Variants in TG observed in about 807,000 individuals in gnomAD.
TG encodes thyroid hormones.
A neutral mutation model predicts 324.7 loss-of-function variants in TG; 270 were observed. The ratio of observed to expected loss-of-function variants is 0.83; its 90% CI spans 0.75 to 0.92. TG has a LOEUF of 0.92. Ranked by LOEUF, TG falls within the 40% of genes least tolerant of loss-of-function variation. The pLI, the probability that TG is intolerant of heterozygous loss-of-function variation, is 0.00. For missense variants in TG, 3,591 were observed against 3,456.4 expected, an observed-to-expected ratio of 1.04 and a Z score of -0.98; for synonymous variants, 1,401 against 1,327.0, an observed-to-expected ratio of 1.06 and a Z score of -1.21.
chr8:133,019,735 G>A, intron 39 of TG, 40 bp downstream of exon 39: 1 of 1,554,440 alleles, frequency 6.4e-7, no homozygotes, highest in Admixed American at 1.7e-5. Flanking sequence ...CCTGAAGACT[G>A]TCCCATTAGA....
chr8:132,966,224 A>T (rs889675241), intron 29 of TG, among the ~76,000 whole-genome samples: 4 of 152,220 alleles, frequency 2.6e-5, no homozygotes, highest in African/African-American at 9.6e-5. Flanking sequence ...ATTAGACAGA[A>T]GTCTCCAGGG....
intron 41 of TG, among the ~76,000 whole-genome samples, chr8:133,051,093 G>A (rs1192908220): frequency 1.3e-5 from 2 of 152,162 alleles, no homozygotes; most frequent in Non-Finnish European, 2.9e-5. Context: ...TGCAGGGTGT[G>A]CGTACGAGCC....
chr8:132,994,883 T>C (rs1832723606), intron 35 of TG: 2 of 1,223,934 alleles, frequency 1.6e-6, no homozygotes, highest in South Asian at 1.4e-5. Flanking sequence ...TGGAGTAAGA[T>C]TGAGGTAATG....
chr8:133,000,860 A>G (rs2037540), intron 35 of TG, among the ~76,000 whole-genome samples: 84,079 of 152,024 alleles, frequency 0.55, 24,223 homozygotes, highest in Middle Eastern at 0.66. Flanking sequence ...CTGCCATAAC[A>G]AAGTACCACG....
At chr8:133,100,226 T>G (rs1849037603) in intron 43 of TG, among the ~76,000 whole-genome samples, 1 of 152,194 alleles carries the variant, frequency 6.6e-6, no homozygotes, top group Non-Finnish European at 1.5e-5. Context: ...ACTCACTGCC[T>G]TACTCCCTTC....
chr8:132,882,924 G>C lies in TG; in HGVS notation c.1000G>C (p.Gly334Arg). Residue 334 changes from glycine (G) to arginine (R), a missense_variant, in exon 8 of 48, where the codon GGG (glycine) becomes CGG (arginine). Physicochemically the swap from Gly to Arg is moderately radical, Grantham distance 125. Transcript: ENST00000220616. Reference sequence around the variant, plus strand: ...TCAGGCGGTGCAGTGCCAGACGGAAGGGCCCTGCTGGTGTGTGGACGCCCA... The same window carrying C: ...TCAGGCGGTGCAGTGCCAGACGGAACGGCCCTGCTGGTGTGTGGACGCCCA... ...DYQAVQCQTE[G>R]PCWCVDAQGK... 6.2e-7 allele frequency: 1 copy of C among 1,614,218 alleles called. No individual in the cohort carries two copies. The highest frequency in any genetic ancestry group is 8.5e-7 in the Non-Finnish European group (1 of 1,180,034).
intron 2 of TG, 54 bp downstream of exon 2, chr8:132,868,277 T>C (rs1770731004): frequency 1.1e-5 from 16 of 1,503,774 alleles, no homozygotes; most frequent in Non-Finnish European, 1.5e-5. Flanking sequence ...ATAAAAAGCA[T>C]CTTGTGCCTT....
chr8:133,052,906 T>C (rs1482953006), intron 41 of TG, among the ~76,000 whole-genome samples: 1 of 152,234 alleles, frequency 6.6e-6, no homozygotes, highest in Non-Finnish European at 1.5e-5. Flanking sequence ...CTGGGTTTCC[T>C]AGTCTGGAAA....
intron 41 of TG, chr8:133,049,010 C>A: frequency 2.8e-6 from 1 of 361,404 alleles, no homozygotes; most frequent in South Asian, 2.0e-5. Context: ...ATGTGCTTTG[C>A]ATTTCTTTGC....
intron 43 of TG, among the ~76,000 whole-genome samples, chr8:133,105,533 G>A (rs1849728413): frequency 6.6e-6 from 1 of 152,146 alleles, no homozygotes; most frequent in Non-Finnish European, 1.5e-5. Flanking sequence ...CTAGGGGTGA[G>A]GAAGAACACA....
intron 23 of TG, among the ~76,000 whole-genome samples, chr8:132,933,039 C>G (rs1006833098): frequency 6.6e-6 from 1 of 152,156 alleles, no homozygotes; most frequent in Non-Finnish European, 1.5e-5. Context: ...AGTGCCTGAA[C>G]GGAGCTGTGC....
rs536391247 is a variant in TG, at chr8:133,072,893, G to A, written c.7240-22151G>A. 3.3e-5 allele frequency: 5 copies of A among 152,300 alleles called. 1 individual carries two copies. In the South Asian group the frequency reaches 1.0e-3, roughly 32 times the overall value. The allele number at this position is 152,300 out of a possible 1,614,324, so 9.4% of individuals were successfully genotyped here. The stretch of plus-strand genomic sequence containing the variant: ...AGCAGAAATACATATTCAGAAAAAT[G>A]GAGGAGTGCCCCACTCATTGCTTTA... On this transcript the variant is annotated intron_variant, in intron 41 of 47. Coordinates refer to ENST00000220616, the MANE Select transcript of TG (RefSeq NM_003235.5).
chr8:132,906,381 C>T (rs1818683613), intron 16 of TG, among the ~76,000 whole-genome samples: 1 of 151,966 alleles, frequency 6.6e-6, no homozygotes, highest in African/African-American at 2.4e-5. Context: ...GTGAAGAGAC[C>T]AGGTGGTAAC....
At chr8:133,006,231 G>A (rs1336069624) in intron 35 of TG, among the ~76,000 whole-genome samples, 1 of 152,194 alleles carries the variant, frequency 6.6e-6, no homozygotes, top group East Asian at 1.9e-4. Flanking sequence ...TTCTTCACTA[G>A]CCTAAGCTGT....
At chr8:132,945,329 T>C (rs1298443843) in intron 26 of TG, among the ~76,000 whole-genome samples, 1 of 152,008 alleles carries the variant, frequency 6.6e-6, no homozygotes, top group East Asian at 1.9e-4. Flanking sequence ...GACTTTGAAT[T>C]TGGGGGTTGA....
intron 5 of TG, among the ~76,000 whole-genome samples, chr8:132,879,049 C>T (rs1446455548): frequency 6.6e-6 from 1 of 152,204 alleles, no homozygotes; most frequent in African/African-American, 2.4e-5. Flanking sequence ...CCCCTGTTCC[C>T]TGATGACAGT....
chr8:133,011,754 T>C (rs373059443), intron 35 of TG, 147 bp from the exon 36 acceptor site: 3 of 955,098 alleles, frequency 3.1e-6, no homozygotes, highest in African/African-American at 3.2e-5. Context: ...AATGGAAAGA[T>C]GGATCAAGCT....
In TG at chr8:133,116,649, G is replaced by A. The variant is rs1482381402; in HGVS notation, c.7795G>A (p.Ala2599Thr). Residue 2599 changes from alanine to threonine, a missense_variant, in exon 45 of 48, where the codon GCC (alanine) becomes ACC (threonine). Transcript: ENST00000220616. ...IICPIIDMAS[A>T]WAKRARGNVF... ...CTGCCCTATAATCGACATGGCCAGT[G>A]CCTGGGCAAAGAGGGCCCGAGGAAA... 6.2e-7 allele frequency: 1 copy of A among 1,614,126 alleles called. No homozygotes were observed. Among genetic ancestry groups the A allele is most frequent in the Admixed American group, 1.7e-5 (1 of 60,014 alleles).
chr8:132,904,142 C>T (rs1818332179), intron 16 of TG, among the ~76,000 whole-genome samples: 1 of 152,192 alleles, frequency 6.6e-6, no homozygotes, highest in South Asian at 2.1e-4. Flanking sequence ...TCAGGGGCCT[C>T]ATCTGCAGGA....
Sources: allele counts gnomAD v4.1 joint callset (sites outside exome capture counted in the v4.1 genomes callset), GRCh38; gene constraint gnomAD v4.1.1; transcripts MANE v1.5; gene names NCBI Gene and HGNC (gene_info 2026-07-23, HGNC 2026-07-21).